Variants in COL13A1 observed in about 807,000 individuals in gnomAD.
COL13A1 encodes the protein collagen alpha-1(XIII) chain.
Under a neutral mutation model 130.9 loss-of-function variants are expected in COL13A1, and 89 were observed. That is an observed-to-expected ratio of 0.68 (90% CI 0.57 to 0.81). COL13A1 has a LOEUF of 0.81. Ranked by LOEUF, COL13A1 falls within the 30% of genes least tolerant of loss-of-function variation. The pLI is 0.00. For synonymous variants in COL13A1, 402 were observed against 341.6 expected, an observed-to-expected ratio of 1.18 and a Z score of -1.95; for missense variants, 879 against 934.6, an observed-to-expected ratio of 0.94 and a Z score of 0.78.
At chr10:69,868,380 T>C (rs1164842644) in intron 3 of COL13A1, among the ~76,000 whole-genome samples, 1 of 152,128 alleles carries the variant, frequency 6.6e-6, no homozygotes, top group Non-Finnish European at 1.5e-5. Flanking sequence ...ACATAAATTA[T>C]AGGCATCATG....
chr10:69,860,280 G>T (rs1378183940), intron 2 of COL13A1, among the ~76,000 whole-genome samples: 4 of 152,228 alleles, frequency 2.6e-5, no homozygotes, highest in African/African-American at 7.2e-5. Context: ...AGCCCTCAAG[G>T]TCAGGGACAG....
intron 2 of COL13A1, among the ~76,000 whole-genome samples, chr10:69,824,478 T>A (rs924274767): frequency 1.3e-5 from 2 of 152,244 alleles, no homozygotes; most frequent in South Asian, 4.2e-4. Flanking sequence ...GCTCAGGTAG[T>A]CCTGGGAGGC....
intron 13 of COL13A1, among the ~76,000 whole-genome samples, chr10:69,895,919 G>C (rs977516328): frequency 3.3e-5 from 5 of 152,150 alleles, no homozygotes; most frequent in African/African-American, 1.2e-4. Flanking sequence ...GCCCCCTGTG[G>C]CAGCGTGACT....
chr10:69,907,616 T>A (rs1220885387), intron 17 of COL13A1, among the ~76,000 whole-genome samples: 1 of 152,028 alleles, frequency 6.6e-6, no homozygotes, highest in Non-Finnish European at 1.5e-5. Flanking sequence ...ACTTCCATGA[T>A]AACTAACCCA....
intron 17 of COL13A1, among the ~76,000 whole-genome samples, chr10:69,907,793 C>A (rs545601935): frequency 1.6e-4 from 24 of 152,336 alleles, no homozygotes; most frequent in Admixed American, 9.8e-4. Flanking sequence ...CCCACTCTTA[C>A]AATAACTAAT....
intron 35 of COL13A1, among the ~76,000 whole-genome samples, chr10:69,943,048 A>T (rs1267417381): frequency 6.6e-6 from 1 of 152,144 alleles, no homozygotes; most frequent in Non-Finnish European, 1.5e-5. Context: ...GGGTTTCGCC[A>T]TGTTGGCCAG....
intron 1 of COL13A1, among the ~76,000 whole-genome samples, chr10:69,819,755 T>C (rs1589226977): frequency 6.6e-6 from 1 of 152,200 alleles, no homozygotes; most frequent in East Asian, 1.9e-4. Context: ...TGTGGTGCTT[T>C]ATGGCTGTCA....
intron 32 of COL13A1, among the ~76,000 whole-genome samples, chr10:69,936,211 C>A (rs1044101133): frequency 4.6e-5 from 7 of 151,734 alleles, no homozygotes; most frequent in African/African-American, 1.7e-4. Context: ...CGAGCCCCAG[C>A]CCCACTGGAT....
intron 1 of COL13A1, among the ~76,000 whole-genome samples, chr10:69,814,068 G>T (rs1374727384): frequency 6.6e-6 from 1 of 152,240 alleles, no homozygotes; most frequent in African/African-American, 2.4e-5. Flanking sequence ...GTCTGCAACG[G>T]GGCAGCCAGC....
chr10:69,846,848 C>T (rs1217155946), intron 2 of COL13A1, among the ~76,000 whole-genome samples: 2 of 152,198 alleles, frequency 1.3e-5, no homozygotes, highest in East Asian at 1.9e-4. Context: ...TGTGCAGACA[C>T]GTGGGGCAGG....
rs199511258 is a variant in COL13A1, at chr10:69,927,155, G to C, written c.1422+45G>C. ...GCTTTCCTTGGGCACTGGACGGGGG[G>C]GCTGGGGATGGCAGCCTGGAAGCAA... On this transcript the variant is annotated intron_variant, in intron 27 of 40. Coordinates refer to ENST00000645393, the MANE Select transcript of COL13A1 (RefSeq NM_001368882.1). 1.8e-3 allele frequency: 2,918 copies of C among 1,609,892 alleles called. 5 individuals are homozygous for C. The highest frequency in any genetic ancestry group is 1.9e-3 in the Non-Finnish European group (2,216 of 1,177,004).
At chr10:69,843,475 G>A (rs2704485) in intron 2 of COL13A1, among the ~76,000 whole-genome samples, 96,290 of 152,014 alleles carry the variant, frequency 0.63, 30,697 homozygotes, top group South Asian at 0.73. Flanking sequence ...AAATTAATTC[G>A]AATTAAATAA....
intron 1 of COL13A1, among the ~76,000 whole-genome samples, chr10:69,815,504 G>T (rs955570733): frequency 6.6e-6 from 1 of 152,210 alleles, no homozygotes; most frequent in African/African-American, 2.4e-5. Context: ...CCACCCTAGG[G>T]CCTCATCTTG....
intron 32 of COL13A1, among the ~76,000 whole-genome samples, chr10:69,936,011 CA>C (rs112838258): frequency 0.68 from 90,283 of 132,834 alleles, 30,144 homozygotes; most frequent in Middle Eastern, 0.77. Flanking sequence ...GACCCTGTCT[CA>C]AAAAAAAAGA....
At chr10:69,814,522 C>T (rs1385991601) in intron 1 of COL13A1, among the ~76,000 whole-genome samples, 1 of 152,262 alleles carries the variant, frequency 6.6e-6, no homozygotes, top group Non-Finnish European at 1.5e-5. Context: ...TGCTCACCCT[C>T]CTCACATCTG....
At chr10:69,913,624 A>T (rs1404631432) in intron 17 of COL13A1, among the ~76,000 whole-genome samples, 1 of 152,086 alleles carries the variant, frequency 6.6e-6, no homozygotes, top group African/African-American at 2.4e-5. Flanking sequence ...TGCCTCCTGC[A>T]CATGGGCCCC....
rs1327102614 is a variant in COL13A1, at chr10:69,936,112, GGAAGGAAGGAAGGAAA to G, written c.1771-628_1771-613del. Reference sequence around the variant, plus strand: ...GGGAAGGAGGGAAGGGAGGAAGGAAGGAAGGAAGGAAGGAAAGAAGGAAGGAAGGAAGGAAGGAAGG... The same window carrying G: ...GGGAAGGAGGGAAGGGAGGAAGGAAGGAAGGAAGGAAGGAAGGAAGGAAGG... On this transcript the variant is annotated intron_variant, in intron 32 of 40. Transcript: ENST00000645393. Among the ~76,000 whole-genome samples, 111 of 57,280 alleles carry G rather than the reference GGAAGGAAGGAAGGAAA, an allele frequency of 1.9e-3. 7 individuals carry two copies. The highest frequency in any genetic ancestry group is 8.0e-3 in the African/African-American group (97 of 12,188). 37.6% of individuals were successfully genotyped at this position (57,280 alleles called of 152,430 possible). A position where few individuals can be genotyped will look rare whatever the true frequency, so the allele number is the denominator to read the frequency against.
At chr10:69,950,885 G>A (rs969088370) in intron 38 of COL13A1, among the ~76,000 whole-genome samples, 2 of 152,162 alleles carry the variant, frequency 1.3e-5, no homozygotes, top group African/African-American at 4.8e-5. Context: ...GTCTCACTCT[G>A]TCACCCAGGC....
chr10:69,862,695 G>C (rs774431438), intron 2 of COL13A1, among the ~76,000 whole-genome samples: 3 of 152,106 alleles, frequency 2.0e-5, no homozygotes, highest in Non-Finnish European at 4.4e-5. Context: ...AGCTTCGGGG[G>C]CCCATGGTCC....
Sources: gnomAD v4.1 joint callset for allele counts (sites outside exome capture counted in the v4.1 genomes callset) on GRCh38, gnomAD v4.1.1 for gene constraint, MANE v1.5 for transcripts, NCBI Gene and HGNC (gene_info 2026-07-23, HGNC 2026-07-21) for gene names.